PLCB1: variants seen among roughly 807,000 people sequenced by gnomAD.
PLCB1 encodes the protein 1-phosphatidylinositol 4,5-bisphosphate phosphodiesterase beta-1.
A neutral mutation model predicts 161.8 loss-of-function variants in PLCB1; 46 were observed. The ratio of observed to expected loss-of-function variants is 0.28; its 90% CI spans 0.22 to 0.36. The LOEUF (loss-of-function observed/expected upper bound fraction) is 0.36. PLCB1 is among the 10% of genes least tolerant of loss of function. The probability of loss-of-function intolerance (pLI) is 1.00; values close to 1 mark genes in which losing one functional copy is unlikely to be tolerated. For missense variants in PLCB1, 1,016 were observed against 1,472.5 expected, an observed-to-expected ratio of 0.69 and a Z score of 5.07; for synonymous variants, 517 against 503.7, an observed-to-expected ratio of 1.03 and a Z score of -0.35.
intron 3 of PLCB1, among the ~76,000 whole-genome samples, chr20:8,536,386 C>T (rs978359236): frequency 5.9e-5 from 9 of 152,246 alleles, no homozygotes; most frequent in Non-Finnish European, 1.2e-4. Context: ...TCTCTCCTCT[C>T]GTACTTCTCC....
At chr20:8,643,012 TGTTAGATA>T (rs1989004002) in intron 4 of PLCB1, among the ~76,000 whole-genome samples, 1 of 152,246 alleles carries the variant, frequency 6.6e-6, no homozygotes, top group African/African-American at 2.4e-5. Flanking sequence ...ATTTTTAATT[TGTTAGATA>T]GTTACTGTGA....
At chr20:8,851,586 C>G (rs1476802568) in intron 31 of PLCB1, among the ~76,000 whole-genome samples, 5 of 152,104 alleles carry the variant, frequency 3.3e-5, no homozygotes, top group Non-Finnish European at 7.4e-5. Context: ...ATAAGGATTC[C>G]AAGGCTATCT....
At position 8,883,540 on chromosome 20, in the gene PLCB1, T is replaced by C. The variant is rs1988069492; in HGVS notation, c.*1691T>C. On this transcript the variant is annotated 3_prime_UTR_variant, in exon 32 of 32. Coordinates refer to ENST00000338037, the MANE Select transcript of PLCB1 (RefSeq NM_015192.4). Reference sequence around the variant, plus strand: ...CTGACTGTAGCTTTGTGAAATATCTTAAAACGCAAAAACCAATTGTGTCCT... The same window carrying C: ...CTGACTGTAGCTTTGTGAAATATCTCAAAACGCAAAAACCAATTGTGTCCT... 6.6e-6 allele frequency: 1 copy of C among 152,094 alleles called. No individual in the cohort carries two copies. Among genetic ancestry groups the C allele is most frequent in the South Asian group, 2.1e-4 (1 of 4,834 alleles). The allele number at this position is 152,094 out of a possible 1,614,324, so 9.4% of individuals were successfully genotyped here. A position where few individuals can be genotyped will look rare whatever the true frequency, so the allele number is the denominator to read the frequency against.
intron 1 of PLCB1, among the ~76,000 whole-genome samples, chr20:8,146,503 A>G (rs1205762271): frequency 6.6e-6 from 1 of 152,224 alleles, no homozygotes; most frequent in Non-Finnish European, 1.5e-5. Context: ...TCAGTCAGGG[A>G]TTTTTATAAA....
At chr20:8,417,071 ATATTTTTTTTTTTTTTTTT>A (rs1979326905) in intron 3 of PLCB1, among the ~76,000 whole-genome samples, 1 of 51,658 alleles carries the variant, frequency 1.9e-5, no homozygotes, top group Non-Finnish European at 4.2e-5. Flanking sequence ...ATATATATAT[ATATTTTTTTTTTTTTTTTT>A]TTTTTTTTTT....
chr20:8,497,623 G>A (rs2122798521), intron 3 of PLCB1, among the ~76,000 whole-genome samples: 1 of 152,202 alleles, frequency 6.6e-6, no homozygotes, highest in Admixed American at 6.5e-5. Context: ...GGTTGTGGCT[G>A]CTGGATTATA....
chr20:8,670,683 A>C (rs1322424491), intron 9 of PLCB1, among the ~76,000 whole-genome samples: 1 of 152,254 alleles, frequency 6.6e-6, no homozygotes, highest in Non-Finnish European at 1.5e-5. Context: ...TAATGAAAGA[A>C]GCCAGTGAAG....
intron 3 of PLCB1, among the ~76,000 whole-genome samples, chr20:8,546,335 A>AG (rs1401197555): frequency 7.1e-6 from 1 of 140,570 alleles, no homozygotes; most frequent in Non-Finnish European, 1.6e-5. Flanking sequence ...AAAAAAAAAA[A>AG]AAAGAAAGAA....
intron 2 of PLCB1, among the ~76,000 whole-genome samples, chr20:8,270,245 C>T (rs997409262): frequency 3.3e-5 from 5 of 152,160 alleles, no homozygotes; most frequent in African/African-American, 1.2e-4. Context: ...TTCCTAATCA[C>T]ATTACATTGA....
At chr20:8,757,812 C>T (rs989265500) in intron 24 of PLCB1, among the ~76,000 whole-genome samples, 1 of 151,272 alleles carries the variant, frequency 6.6e-6, no homozygotes, top group African/African-American at 2.4e-5. Context: ...GCTTTTAGCT[C>T]CTATATTACA....
At chr20:8,371,875 G>T (rs1986915280) in intron 3 of PLCB1, 1 of 156,536 alleles carries the variant, frequency 6.4e-6, no homozygotes, top group Non-Finnish European at 1.4e-5. Flanking sequence ...ATGCCAAAAG[G>T]TGTATAGTCT....
intron 2 of PLCB1, among the ~76,000 whole-genome samples, chr20:8,257,827 T>A (rs774286298): frequency 6.6e-6 from 1 of 152,058 alleles, no homozygotes; most frequent in Non-Finnish European, 1.5e-5. Context: ...GAGACAGAGA[T>A]AAAGGACAAA....
intron 23 of PLCB1, among the ~76,000 whole-genome samples, chr20:8,747,904 C>A (rs1369262159): frequency 6.6e-6 from 1 of 152,018 alleles, no homozygotes; most frequent in Non-Finnish European, 1.5e-5. Context: ...CAAGGTAGTG[C>A]TTTTATAAGG....
At chr20:8,861,160 A>G (rs1398068963) in intron 31 of PLCB1, among the ~76,000 whole-genome samples, 1 of 152,222 alleles carries the variant, frequency 6.6e-6, no homozygotes, top group Non-Finnish European at 1.5e-5. Context: ...ATCAGGTTAT[A>G]TGTCTTGATA....
chr20:8,798,247 G>A (rs1984122867), intron 31 of PLCB1, among the ~76,000 whole-genome samples: 1 of 150,944 alleles, frequency 6.6e-6, no homozygotes, highest in Admixed American at 6.6e-5. Flanking sequence ...ATTTTTTTCA[G>A]TGGAAAGGAT....
intron 23 of PLCB1, chr20:8,752,286 T>A (rs530559449): frequency 6.6e-6 from 1 of 152,382 alleles, no homozygotes; most frequent in South Asian, 2.1e-4. Context: ...CACAGTTTCC[T>A]GTGTGACCTC....
At chr20:8,777,357 G>A in intron 27 of PLCB1, among the ~76,000 whole-genome samples, 1 of 152,074 alleles carries the variant, frequency 6.6e-6, no homozygotes. Flanking sequence ...CAGCCCAAGG[G>A]GTTAAGGAAT....
At chr20:8,717,568 A>G in intron 13 of PLCB1, 103 bp from the exon 14 acceptor site, 6 of 817,296 alleles carry the variant, frequency 7.3e-6, no homozygotes, top group Non-Finnish European at 1.2e-5. Context: ...AAGGTAGGGA[A>G]GAAGTCTAGA....
At position 8,371,137 on chromosome 20, in the gene PLCB1, A is replaced by G. The variant is rs539104447; in HGVS notation, c.178-245A>G. 6.2e-5 allele frequency: 28 copies of G among 452,056 alleles called. No individual in the cohort carries two copies. In the South Asian group the frequency reaches 9.6e-4, roughly 16 times the overall value. 28.0% of individuals were successfully genotyped at this position (452,056 alleles called of 1,614,324 possible). On this transcript the variant is annotated intron_variant, in intron 2 of 31. Transcript: ENST00000338037. The stretch of plus-strand genomic sequence containing the variant: ...TCATGATTTAGGAATGGCTTGTAGG[A>G]TAGACTGGGGACATAACCACACACT...
Sources: gnomAD v4.1 joint callset for allele counts (sites outside exome capture counted in the v4.1 genomes callset) on GRCh38, gnomAD v4.1.1 for gene constraint, MANE v1.5 for transcripts, NCBI Gene and HGNC (gene_info 2026-07-23, HGNC 2026-07-21) for gene names.